Variants in ATAD1 observed in about 807,000 individuals in gnomAD.
ATAD1 encodes the protein outer mitochondrial transmembrane helix translocase.
In ATAD1, 18 loss-of-function variants were observed where a neutral mutation model predicts 42.7. That is an observed-to-expected ratio of 0.42 (90% CI 0.29 to 0.63). The LOEUF (loss-of-function observed/expected upper bound fraction) is 0.63, where lower values mean the gene tolerates loss of function less well. Ranked by LOEUF, ATAD1 falls within the 20% of genes least tolerant of loss-of-function variation. The pLI is 0.19. For missense variants in ATAD1, 294 were observed against 440.4 expected, an observed-to-expected ratio of 0.67 and a Z score of 2.98; for synonymous variants, 132 against 143.1, an observed-to-expected ratio of 0.92 and a Z score of 0.55.
intron 7 of ATAD1, among the ~76,000 whole-genome samples, chr10:87,770,126 A>G (rs902217154): frequency 6.6e-6 from 1 of 152,178 alleles, no homozygotes; most frequent in Non-Finnish European, 1.5e-5. Context: ...ATAACCATCA[A>G]TCTTTCAGAG....
chr10:87,772,633 A>AC (rs1855103270), intron 6 of ATAD1, among the ~76,000 whole-genome samples: 1 of 152,164 alleles, frequency 6.6e-6, no homozygotes, highest in Non-Finnish European at 1.5e-5. Flanking sequence ...ACAAAGCAAA[A>AC]CAAAATTTAA....
chr10:87,776,200 G>A (rs1855295793), intron 6 of ATAD1, 121 bp downstream of exon 6: 1 of 694,008 alleles, frequency 1.4e-6, no homozygotes, highest in Non-Finnish European at 2.5e-6. Flanking sequence ...TTATCACTTA[G>A]TCATAAGTGT....
intron 1 of ATAD1, among the ~76,000 whole-genome samples, chr10:87,834,141 C>A (rs191401010): frequency 1.3e-5 from 2 of 152,212 alleles, no homozygotes; most frequent in East Asian, 1.9e-4. Context: ...TCAAGATAAA[C>A]CTCATTTTGG....
intron 8 of ATAD1, among the ~76,000 whole-genome samples, chr10:87,765,673 A>G (rs1854708355): frequency 6.6e-6 from 1 of 152,214 alleles, no homozygotes; most frequent in Non-Finnish European, 1.5e-5. Context: ...AAAAATTCAA[A>G]TGCTTCTTAA....
intron 2 of ATAD1, among the ~76,000 whole-genome samples, chr10:87,798,999 TCTAA>T (rs1414936037): frequency 3.3e-5 from 5 of 152,172 alleles, no homozygotes; most frequent in African/African-American, 4.8e-5. Context: ...ATAAAAGAGC[TCTAA>T]CTAATTGGCT....
chr10:87,829,189 G>A (rs1170428742), intron 1 of ATAD1, among the ~76,000 whole-genome samples: 2 of 151,076 alleles, frequency 1.3e-5, no homozygotes, highest in African/African-American at 4.9e-5. Context: ...GGGAATCTGG[G>A]GACAGTAAAT....
At chr10:87,836,115 T>TTTTTG (rs540972683) in intron 1 of ATAD1, among the ~76,000 whole-genome samples, 35 of 152,226 alleles carry the variant, frequency 2.3e-4, no homozygotes, top group African/African-American at 7.0e-4. Context: ...TTATTCCTTG[T>TTTTTG]TTTTGTTTTG....
intron 8 of ATAD1, among the ~76,000 whole-genome samples, chr10:87,765,374 C>T (rs1044552736): frequency 6.6e-5 from 10 of 151,102 alleles, no homozygotes; most frequent in Admixed American, 2.7e-4. Flanking sequence ...ATGCAGTTAT[C>T]GAGTTTTGGG....
At chr10:87,822,484 A>G (rs1381422010), upstream of ATAD1, among the ~76,000 whole-genome samples, 4 of 152,222 alleles carry the variant, frequency 2.6e-5, no homozygotes. Context: ...TTGCAACAAC[A>G]TGGACAGAAC....
At chr10:87,825,878 A>ATT (rs918635801) in intron 1 of ATAD1, among the ~76,000 whole-genome samples, 36 of 151,954 alleles carry the variant, frequency 2.4e-4, no homozygotes, top group African/African-American at 8.7e-4. Context: ...AGTACAACAC[A>ATT]TTTTTTTGTT....
chr10:87,809,405 C>T (rs922747410), intron 2 of ATAD1, among the ~76,000 whole-genome samples: 1 of 152,030 alleles, frequency 6.6e-6, no homozygotes, highest in South Asian at 2.1e-4. Context: ...ACTTCATCCT[C>T]ATCATCTTCA....
intron 1 of ATAD1, among the ~76,000 whole-genome samples, chr10:87,815,227 A>G (rs1274383088): frequency 6.6e-6 from 1 of 152,090 alleles, no homozygotes; most frequent in East Asian, 1.9e-4. Flanking sequence ...ACTTGGAAAA[A>G]TCTTGAACTG....
chr10:87,779,486 C>T (rs560649525), intron 5 of ATAD1, among the ~76,000 whole-genome samples: 3 of 152,100 alleles, frequency 2.0e-5, no homozygotes, highest in East Asian at 3.8e-4. Context: ...AGATAATAAC[C>T]TAATTGTTGT....
chr10:87,831,318 T>C (rs1373197190), intron 1 of ATAD1, among the ~76,000 whole-genome samples: 1 of 152,226 alleles, frequency 6.6e-6, no homozygotes, highest in Non-Finnish European at 1.5e-5. Context: ...AACCCTTCAG[T>C]GTTACGTCTT....
At position 87,814,229 on chromosome 10, in the gene ATAD1, A is replaced by G. The variant is rs569934226; in HGVS notation, c.162+209T>C. Reference sequence around the variant, plus strand: ...TTATTGTTTATTCATTTTTCTTCTGATAAGTTGTTTATATAGTAAAAAATG... The same window carrying G: ...TTATTGTTTATTCATTTTTCTTCTGGTAAGTTGTTTATATAGTAAAAAATG... On this transcript the variant is annotated intron_variant, in intron 2 of 9. Coordinates refer to ENST00000680024, the MANE Select transcript of ATAD1 (RefSeq NM_001321967.2). 1.6e-4 allele frequency among the ~76,000 whole-genome samples: 24 copies of G among 152,196 alleles called. 1 individual carries two copies. The South Asian group carries it at 3.1e-3, about 20-fold the overall frequency.
chr10:87,753,328 T>C lies in ATAD1; in HGVS notation c.*1359A>G, dbSNP rs569705250. The C allele has an allele frequency of 2.0e-5, 3 of 152,316 alleles. No homozygotes were observed. In the South Asian group the frequency reaches 6.2e-4, roughly 32 times the overall value. The allele number at this position is 152,316 out of a possible 1,614,324, so 9.4% of individuals were successfully genotyped here. A position where few individuals can be genotyped will look rare whatever the true frequency, so the allele number is the denominator to read the frequency against. ...AAGAATAAACGATCTAACAGATTCT[T>C]GTGAGACACATTATCAGATAAATTA... On this transcript the variant is annotated 3_prime_UTR_variant, in exon 10 of 10. Transcript: ENST00000680024.
chr10:87,765,419 ATTACT>A (rs1456471959), intron 8 of ATAD1, among the ~76,000 whole-genome samples: 1 of 137,372 alleles, frequency 7.3e-6, no homozygotes, highest in Non-Finnish European at 1.5e-5. Flanking sequence ...AGTGTGGAAA[ATTACT>A]TTATAAACTT....
chr10:87,765,126 G>GA, intron 8 of ATAD1, among the ~76,000 whole-genome samples: 1 of 152,030 alleles, frequency 6.6e-6, no homozygotes, highest in Non-Finnish European at 1.5e-5. Context: ...GATATAATGG[G>GA]AAAAAATAGG....
chr10:87,792,630 AT>A, intron 3 of ATAD1, 26 bp downstream of exon 3: 8 of 1,493,386 alleles, frequency 5.4e-6, no homozygotes, highest in Non-Finnish European at 5.6e-6. Context: ...CTCTAAAAAA[AT>A]CTTAAATAAG....
Sources: allele counts gnomAD v4.1 joint callset (sites outside exome capture counted in the v4.1 genomes callset), GRCh38; gene constraint gnomAD v4.1.1; transcripts MANE v1.5; gene names NCBI Gene and HGNC (gene_info 2026-07-23, HGNC 2026-07-21).